Variants in RBMS3 observed in about 807,000 individuals in gnomAD.
The protein encoded by RBMS3 is RNA-binding motif, single-stranded-interacting protein 3.
A neutral mutation model predicts 66.8 loss-of-function variants in RBMS3; 27 were observed. The ratio of observed to expected loss-of-function variants is 0.40; its 90% CI spans 0.30 to 0.56. The LOEUF is 0.56. RBMS3 is among the 20% of genes least tolerant of loss of function. The probability of loss-of-function intolerance (pLI) is 0.40; values close to 1 mark genes in which losing one functional copy is unlikely to be tolerated. For missense variants in RBMS3, 513 were observed against 549.5 expected (o/e 0.93, Z 0.66); for synonymous variants, 188 against 183.0 (o/e 1.03, Z -0.22).
chr3:29,981,735 G>T (rs1221812526), intron 12 of RBMS3, among the ~76,000 whole-genome samples: 1 of 152,164 alleles, frequency 6.6e-6, no homozygotes, highest in East Asian at 1.9e-4. Context: ...TACATTTATT[G>T]ATTTCTATAT....
rs1553618037 is a variant in RBMS3 at position 29,537,836 on chromosome 3, A to AAAG, written c.308-49276_308-49275insGAA. 3.0e-3 allele frequency among the ~76,000 whole-genome samples: 452 copies of AAAG among 150,954 alleles called. 1 individual carries two copies. Among genetic ancestry groups the AAAG allele is most frequent in the African/African-American group, 0.011 (437 of 40,628 alleles). ...AGACTCCACCTCAAAAAAAAAAAAA[A>AAAG]AAAGAAAGAAAGAAAAAAAATTTGC... On this transcript the variant is annotated intron_variant, in intron 3 of 14. Coordinates refer to ENST00000383767, the MANE Select transcript of RBMS3 (RefSeq NM_001003793.3).
intron 1 of RBMS3, among the ~76,000 whole-genome samples, chr3:29,323,875 C>T (rs1470081503): frequency 6.6e-6 from 1 of 151,768 alleles, no homozygotes; most frequent in Non-Finnish European, 1.5e-5. Flanking sequence ...AGACTTTATG[C>T]CACTGTAGGG....
intron 3 of RBMS3, among the ~76,000 whole-genome samples, chr3:29,552,597 G>A (rs1471429240): frequency 1.3e-5 from 2 of 152,038 alleles, no homozygotes; most frequent in Admixed American, 1.3e-4. Context: ...GTGAATAGCA[G>A]TAGTGTTATT....
chr3:29,866,450 T>G (rs1047903823), intron 6 of RBMS3, among the ~76,000 whole-genome samples: 14 of 152,116 alleles, frequency 9.2e-5, no homozygotes, highest in African/African-American at 2.7e-4. Context: ...CAGCAAGAAA[T>G]GTAAGGTGCT....
At chr3:29,959,329 CTG>C (rs1210512768) in intron 12 of RBMS3, among the ~76,000 whole-genome samples, 2 of 152,196 alleles carry the variant, frequency 1.3e-5, no homozygotes, top group Non-Finnish European at 2.9e-5. Flanking sequence ...AGTTCTCAAA[CTG>C]TGATCCCAGT....
chr3:29,393,609 A>T (rs1260781517), intron 1 of RBMS3, among the ~76,000 whole-genome samples: 3 of 152,226 alleles, frequency 2.0e-5, no homozygotes, highest in Non-Finnish European at 4.4e-5. Context: ...AAGTCAGGTT[A>T]TGTGACTCCT....
At chr3:29,840,057 C>T (rs1222580461) in intron 6 of RBMS3, among the ~76,000 whole-genome samples, 1 of 151,920 alleles carries the variant, frequency 6.6e-6, no homozygotes, top group Non-Finnish European at 1.5e-5. Context: ...TATCCTTCTC[C>T]CTTTCTCTTT....
At chr3:29,901,828 C>A (rs1276627669) in intron 10 of RBMS3, among the ~76,000 whole-genome samples, 1 of 151,736 alleles carries the variant, frequency 6.6e-6, no homozygotes, top group Non-Finnish European at 1.5e-5. Context: ...GGCCACACAC[C>A]ACTTTGCTAT....
chr3:29,383,300 T>G (rs997159938), intron 1 of RBMS3, among the ~76,000 whole-genome samples: 5 of 152,248 alleles, frequency 3.3e-5, no homozygotes, highest in Non-Finnish European at 2.9e-5. Context: ...GCTTGGTTTC[T>G]CTCGTCACTT....
intron 6 of RBMS3, among the ~76,000 whole-genome samples, chr3:29,830,739 CA>C (rs2149488260): frequency 6.6e-6 from 1 of 152,202 alleles, no homozygotes; most frequent in East Asian, 1.9e-4. Flanking sequence ...GTGAATGCAT[CA>C]AATACAAAAG....
At chr3:29,378,536 G>A (rs1331576206) in intron 1 of RBMS3, among the ~76,000 whole-genome samples, 2 of 151,194 alleles carry the variant, frequency 1.3e-5, no homozygotes, top group African/African-American at 4.9e-5. Flanking sequence ...GTATTGTGAG[G>A]ATTAAATGAG....
intron 11 of RBMS3, among the ~76,000 whole-genome samples, chr3:29,942,112 AAAG>A (rs1180839585): frequency 6.6e-6 from 1 of 151,900 alleles, no homozygotes; most frequent in Non-Finnish European, 1.5e-5. Context: ...AATGTCTAAC[AAAG>A]AAGAATAATT....
At chr3:29,791,455 T>G (rs2057010604) in intron 6 of RBMS3, among the ~76,000 whole-genome samples, 1 of 152,236 alleles carries the variant, frequency 6.6e-6, no homozygotes, top group Non-Finnish European at 1.5e-5. Context: ...AACAGTGGTG[T>G]GCTTTAGCTG....
chr3:29,399,454 T>C, intron 1 of RBMS3, among the ~76,000 whole-genome samples: 1 of 147,710 alleles, frequency 6.8e-6, no homozygotes, highest in Non-Finnish European at 1.5e-5. Flanking sequence ...CTTGAAAAAA[T>C]TGAGGTTTAT....
chr3:29,423,413 A>G (rs2040827558), intron 1 of RBMS3, among the ~76,000 whole-genome samples: 1 of 152,206 alleles, frequency 6.6e-6, no homozygotes, highest in African/African-American at 2.4e-5. Context: ...CAGGGGAGGT[A>G]TCAGTTGAAA....
intron 3 of RBMS3, among the ~76,000 whole-genome samples, chr3:29,497,343 A>G (rs1006397683): frequency 3.3e-5 from 5 of 152,180 alleles, no homozygotes; most frequent in African/African-American, 1.2e-4. Context: ...GTTGAGGAAT[A>G]TAAAACAGCT....
At chr3:29,967,883 C>T (rs951764788) in intron 12 of RBMS3, among the ~76,000 whole-genome samples, 3 of 152,030 alleles carry the variant, frequency 2.0e-5, no homozygotes, top group Non-Finnish European at 4.4e-5. Flanking sequence ...TACTAATGTC[C>T]TGTTAATTTT....
At chr3:29,549,057 C>CAGTT (rs2046084543) in intron 3 of RBMS3, among the ~76,000 whole-genome samples, 1 of 121,984 alleles carries the variant, frequency 8.2e-6, no homozygotes, top group Admixed American at 8.6e-5. Flanking sequence ...CCTCCTACTT[C>CAGTT]TGTTTTTTTT....
intron 5 of RBMS3, among the ~76,000 whole-genome samples, chr3:29,757,436 A>G (rs1030806927): frequency 6.6e-6 from 1 of 152,142 alleles, no homozygotes; most frequent in African/African-American, 2.4e-5. Context: ...TGCAGTCCAA[A>G]TAAAACATAC....
Sources: gnomAD v4.1 joint callset for allele counts (sites outside exome capture counted in the v4.1 genomes callset) on GRCh38, gnomAD v4.1.1 for gene constraint, MANE v1.5 for transcripts, NCBI Gene and HGNC (gene_info 2026-07-23, HGNC 2026-07-21) for gene names.